The following HDAC9 variants were observed in gnomAD, a reference collection of about 807,000 sequenced individuals.
HDAC9 encodes MEF-2 interacting transcription repressor (MITR) protein.
Under a neutral mutation model 139.4 loss-of-function variants are expected in HDAC9, and 41 were observed. That is an observed-to-expected ratio of 0.29 (90% CI 0.23 to 0.38). The LOEUF is 0.38. HDAC9 is among the 10% of genes least tolerant of loss of function. The pLI is 1.00. For missense variants in HDAC9, 1,147 were observed against 1,297.0 expected, an observed-to-expected ratio of 0.88 and a Z score of 1.78; for synonymous variants, 517 against 476.2, an observed-to-expected ratio of 1.09 and a Z score of -1.12.
At chr7:18,518,139 C>T (rs987961404) in intron 2 of HDAC9, 1 of 152,096 alleles carries the variant, frequency 6.6e-6, no homozygotes, top group African/African-American at 2.4e-5. Context: ...TATTATTTCA[C>T]ACACTCGTGC....
intron 2 of HDAC9, among the ~76,000 whole-genome samples, chr7:18,175,281 C>A (rs1038958283): frequency 3.9e-5 from 6 of 152,202 alleles, no homozygotes; most frequent in African/African-American, 1.4e-4. Flanking sequence ...GGGATATAAT[C>A]TTTTGGTGTG....
chr7:18,720,712 C>T (rs182744398), intron 12 of HDAC9, among the ~76,000 whole-genome samples: 310 of 146,744 alleles, frequency 2.1e-3, no homozygotes, highest in Non-Finnish European at 3.9e-3. Context: ...GACAGAGTTT[C>T]GCTCTGTCAC....
intron 2 of HDAC9, among the ~76,000 whole-genome samples, chr7:18,254,946 T>C (rs1172330782): frequency 6.6e-6 from 1 of 152,216 alleles, no homozygotes; most frequent in Non-Finnish European, 1.5e-5. Context: ...TTATATTTGA[T>C]ATGTTTTATA....
chr7:18,210,531 C>A (rs1278204645), intron 2 of HDAC9, among the ~76,000 whole-genome samples: 1 of 152,146 alleles, frequency 6.6e-6, no homozygotes, highest in Non-Finnish European at 1.5e-5. Flanking sequence ...GAGTCACTTA[C>A]CAAGCCTATT....
intron 1 of HDAC9, among the ~76,000 whole-genome samples, chr7:18,350,012 T>C (rs1326949076): frequency 1.3e-5 from 2 of 152,264 alleles, no homozygotes; most frequent in Admixed American, 1.3e-4. Flanking sequence ...TTATTAATAG[T>C]AGTATATAAG....
At chr7:18,390,282 T>C (rs1786351395) in intron 1 of HDAC9, among the ~76,000 whole-genome samples, 1 of 152,114 alleles carries the variant, frequency 6.6e-6, no homozygotes, top group African/African-American at 2.4e-5. Context: ...AACTGATCAC[T>C]CCCTGGAATA....
At chr7:18,123,535 C>T (rs1784481115) in intron 1 of HDAC9, among the ~76,000 whole-genome samples, 1 of 152,078 alleles carries the variant, frequency 6.6e-6, no homozygotes, top group Non-Finnish European at 1.5e-5. Flanking sequence ...AATAATATTT[C>T]TATTGGGAAA....
At chr7:18,862,398 G>C (rs979975341) in intron 21 of HDAC9, among the ~76,000 whole-genome samples, 2 of 152,160 alleles carry the variant, frequency 1.3e-5, no homozygotes, top group African/African-American at 4.8e-5. Context: ...TCATATAATA[G>C]TTGAAACTAA....
At chr7:18,890,620 C>G (rs528545031) in intron 22 of HDAC9, among the ~76,000 whole-genome samples, 3 of 152,126 alleles carry the variant, frequency 2.0e-5, no homozygotes, top group African/African-American at 7.2e-5. Flanking sequence ...TTATGCTGCT[C>G]AAGATAAATA....
At chr7:18,483,335 T>C (rs1206722072) in intron 1 of HDAC9, among the ~76,000 whole-genome samples, 1 of 152,160 alleles carries the variant, frequency 6.6e-6, no homozygotes, top group Admixed American at 6.5e-5. Flanking sequence ...ACAGACAGGA[T>C]ACAGTGATTT....
intron 2 of HDAC9, among the ~76,000 whole-genome samples, chr7:18,208,390 T>TG (rs1283913820): frequency 6.6e-6 from 1 of 150,792 alleles, no homozygotes; most frequent in Non-Finnish European, 1.5e-5. Context: ...TTTTTTTTTT[T>TG]GAGACAGGGT....
intron 2 of HDAC9, among the ~76,000 whole-genome samples, chr7:18,550,307 T>C (rs1208187276): frequency 2.6e-5 from 4 of 152,190 alleles, no homozygotes; most frequent in African/African-American, 9.6e-5. Context: ...ATTTTTTTCG[T>C]TCCATTCTAT....
chr7:18,808,756 A>C (rs1793935467), intron 17 of HDAC9, among the ~76,000 whole-genome samples: 1 of 152,112 alleles, frequency 6.6e-6, no homozygotes, highest in Non-Finnish European at 1.5e-5. Context: ...TCAAAATTTC[A>C]ATGACATTTT....
intron 8 of HDAC9, among the ~76,000 whole-genome samples, chr7:18,636,644 T>C (rs1034409406): frequency 3.9e-5 from 6 of 152,148 alleles, no homozygotes; most frequent in Non-Finnish European, 7.4e-5. Context: ...GTCCCGCATC[T>C]ATTTCTTACT....
chr7:18,374,482 G>A (rs1189858970), intron 1 of HDAC9, among the ~76,000 whole-genome samples: 2 of 151,918 alleles, frequency 1.3e-5, no homozygotes, highest in Non-Finnish European at 2.9e-5. Flanking sequence ...CTACAAACCT[G>A]TACAGCATGT....
chr7:18,163,153 A>G (rs1443859774), intron 2 of HDAC9, among the ~76,000 whole-genome samples: 2 of 152,150 alleles, frequency 1.3e-5, no homozygotes, highest in Non-Finnish European at 2.9e-5. Flanking sequence ...AAGGGAGACA[A>G]CTTGCCAAGA....
intron 2 of HDAC9, among the ~76,000 whole-genome samples, chr7:18,537,858 A>G (rs1811403775): frequency 6.6e-6 from 1 of 152,220 alleles, no homozygotes; most frequent in Admixed American, 6.5e-5. Context: ...GAACTTGAGC[A>G]CTTCAGTTTT....
chr7:18,412,962 A>G (rs1447865989), intron 1 of HDAC9, among the ~76,000 whole-genome samples: 1 of 152,242 alleles, frequency 6.6e-6, no homozygotes, highest in African/African-American at 2.4e-5. Context: ...AAACTACATT[A>G]GAAACAAGTG....
intron 1 of HDAC9, among the ~76,000 whole-genome samples, chr7:18,442,914 G>A (rs1258086228): frequency 6.6e-6 from 1 of 152,150 alleles, no homozygotes; most frequent in Non-Finnish European, 1.5e-5. Flanking sequence ...AAGATCACAA[G>A]GGGCTATATT....
Sources: allele counts gnomAD v4.1 joint callset (sites outside exome capture counted in the v4.1 genomes callset), GRCh38; gene constraint gnomAD v4.1.1; transcripts MANE v1.5; gene names NCBI Gene and HGNC (gene_info 2026-07-23, HGNC 2026-07-21).